Variants in PHACTR2 observed in about 807,000 individuals in gnomAD.
The protein encoded by PHACTR2 is phosphatase and actin regulator 2, also known as chromosome 6 open reading frame 56.
A neutral mutation model predicts 76.0 loss-of-function variants in PHACTR2; 30 were observed. The observed-to-expected ratio is 0.39, with a 90% CI of 0.30 to 0.54. The LOEUF is 0.54. Among genes scored for constraint, PHACTR2 ranks in the 20% least tolerant of loss-of-function variants. The probability of loss-of-function intolerance (pLI) is 0.61; values close to 1 mark genes in which losing one functional copy is unlikely to be tolerated. For synonymous variants in PHACTR2, 292 were observed against 292.5 expected, an observed-to-expected ratio of 1.00 and a Z score of 0.02; for missense variants, 696 against 781.1, an observed-to-expected ratio of 0.89 and a Z score of 1.30.
intron 9 of PHACTR2, among the ~76,000 whole-genome samples, chr6:143,778,994 C>G (rs1249866697): frequency 6.6e-6 from 1 of 152,144 alleles, no homozygotes; most frequent in Non-Finnish European, 1.5e-5. Context: ...AGATTTGACT[C>G]CAGCCCTTTT....
At chr6:143,569,424 C>T (rs1445925535) in intron 1 of PHACTR2, among the ~76,000 whole-genome samples, 1 of 152,148 alleles carries the variant, frequency 6.6e-6, no homozygotes, top group Non-Finnish European at 1.5e-5. Context: ...TTTGTGATGT[C>T]AAGCCAATGA....
At chr6:143,566,116 T>C (rs2128430762) in intron 1 of PHACTR2, among the ~76,000 whole-genome samples, 1 of 151,238 alleles carries the variant, frequency 6.6e-6, no homozygotes, top group African/African-American at 2.4e-5. Flanking sequence ...CTGGTGCACA[T>C]CATGCCCTGC....
At chr6:143,643,611 G>A (rs1776604649) in intron 1 of PHACTR2, among the ~76,000 whole-genome samples, 1 of 152,106 alleles carries the variant, frequency 6.6e-6, no homozygotes, top group Non-Finnish European at 1.5e-5. Flanking sequence ...CTCAAAGGAG[G>A]GCTATTACTA....
chr6:143,735,534 C>G (rs955995846), intron 2 of PHACTR2, among the ~76,000 whole-genome samples: 2 of 152,104 alleles, frequency 1.3e-5, no homozygotes, highest in Non-Finnish European at 2.9e-5. Context: ...CAACAGACCT[C>G]CCGAACTTTT....
chr6:143,565,255 A>T (rs35914889), intron 1 of PHACTR2, among the ~76,000 whole-genome samples: 104,521 of 151,866 alleles, frequency 0.69, 36,233 homozygotes, highest in Middle Eastern at 0.77. Context: ...ACATCATACA[A>T]AAATACATAA....
At chr6:143,544,698 A>G (rs931565171) in intron 1 of PHACTR2, among the ~76,000 whole-genome samples, 1 of 152,212 alleles carries the variant, frequency 6.6e-6, no homozygotes, top group African/African-American at 2.4e-5. Flanking sequence ...TGCACCATAA[A>G]ATCATTGAAG....
intron 2 of PHACTR2, among the ~76,000 whole-genome samples, chr6:143,712,970 T>C (rs1778215133): frequency 2.0e-5 from 3 of 152,236 alleles, no homozygotes; most frequent in Admixed American, 2.0e-4. Flanking sequence ...GTGAGTGTAT[T>C]GTGTCTAAGA....
intron 9 of PHACTR2, among the ~76,000 whole-genome samples, chr6:143,779,506 T>C (rs1469956932): frequency 6.6e-6 from 1 of 152,022 alleles, no homozygotes; most frequent in Non-Finnish European, 1.5e-5. Context: ...CGCATCACCA[T>C]GCCTGGCTAA....
In PHACTR2 at chr6:143,825,012, C is replaced by A. The variant is rs1776504803; in HGVS notation, c.*1323C>A. 1 of 152,616 alleles carries A rather than the reference C, an allele frequency of 6.6e-6. No homozygotes were observed. Among genetic ancestry groups the A allele is most frequent in the African/African-American group, 2.4e-5 (1 of 41,440 alleles). The allele number at this position is 152,616 out of a possible 1,614,324, so 9.5% of individuals were successfully genotyped here. On this transcript the variant is annotated 3_prime_UTR_variant, in exon 13 of 13. Coordinates refer to ENST00000440869, the MANE Select transcript of PHACTR2 (RefSeq NM_001100164.2). This position sits in a 1 kb window ranked among gnomAD's most constrained non-coding sequence, Gnocchi z 4.1. The stretch of plus-strand genomic sequence containing the variant: ...TGTATTGTTTACATTAAGAAACTCT[C>A]TATTATTGTGTTGCTATTTTCCATG...
rs1562323038 is a variant in PHACTR2, at chr6:143,827,500, TCTTC to T, written c.*3814_*3817del. The T allele has an allele frequency of 6.6e-6, 1 of 152,066 alleles. No homozygotes were observed. Among genetic ancestry groups the T allele is most frequent in the Non-Finnish European group, 1.5e-5 (1 of 67,994 alleles). The allele number at this position is 152,066 out of a possible 1,614,324, so 9.4% of individuals were successfully genotyped here. On this transcript the variant is annotated 3_prime_UTR_variant, in exon 13 of 13. Coordinates refer to ENST00000440869, the MANE Select transcript of PHACTR2 (RefSeq NM_001100164.2). ...TGCAAATTTCAAACAGAGCAAGAAA[TCTTC>T]CTCAGAGTAGGTGGTATGAAATTAA... is the stretch of plus-strand genomic sequence containing the variant.
chr6:143,682,106 G>A (rs1288176719), intron 1 of PHACTR2, among the ~76,000 whole-genome samples: 1 of 152,158 alleles, frequency 6.6e-6, no homozygotes, highest in Admixed American at 6.5e-5. Flanking sequence ...CTGCAAAAAA[G>A]CCAATTAGAG....
chr6:143,651,917 C>T (rs962296593), intron 1 of PHACTR2, among the ~76,000 whole-genome samples: 2 of 151,242 alleles, frequency 1.3e-5, no homozygotes, highest in African/African-American at 2.4e-5. Flanking sequence ...GACATAGGCA[C>T]TCACACAGAA....
At chr6:143,634,378 A>G (rs1195062854) in intron 1 of PHACTR2, among the ~76,000 whole-genome samples, 3 of 152,220 alleles carry the variant, frequency 2.0e-5, no homozygotes, top group Non-Finnish European at 2.9e-5. Context: ...TTTTCATTTA[A>G]TAAGAGAGCA....
At chr6:143,675,409 A>C (rs560459367), upstream of PHACTR2, among the ~76,000 whole-genome samples, 1 of 152,308 alleles carries the variant, frequency 6.6e-6, no homozygotes, top group South Asian at 2.1e-4. The surrounding 1 kb of genome is among the most constrained non-coding windows in gnomAD (Gnocchi z 4.9). Flanking sequence ...CTGGTGGGCC[A>C]AATTGTTACA....
chr6:143,638,108 T>A (rs1370319168), intron 1 of PHACTR2, among the ~76,000 whole-genome samples: 1 of 152,212 alleles, frequency 6.6e-6, no homozygotes, highest in East Asian at 1.9e-4. Context: ...TAGTGTGTAG[T>A]TGATGAATTA....
At chr6:143,555,083 G>A (rs1775153690) in intron 1 of PHACTR2, 1 of 152,124 alleles carries the variant, frequency 6.6e-6, no homozygotes, top group South Asian at 2.1e-4. Context: ...TTACAAATAT[G>A]CTGTAGATGT....
chr6:143,576,544 A>G lies in PHACTR2; in HGVS notation c.217+39337A>G, dbSNP rs150452933. The stretch of plus-strand genomic sequence containing the variant: ...TTTCAGTTTTAAAACAGAAGTTGAA[A>G]GAGGGAATATTTGTGGTTTTTAAAG... On this transcript the variant is annotated intron_variant, in intron 1 of 11. Transcript: ENST00000367584. Among the ~76,000 whole-genome samples the G allele has an allele frequency of 7.9e-5, 12 of 152,350 alleles. No individual in the cohort carries two copies. The East Asian group carries it at 2.3e-3, about 29-fold the overall frequency.
chr6:143,603,138 T>A (rs1375416475), intron 1 of PHACTR2, among the ~76,000 whole-genome samples: 2 of 123,334 alleles, frequency 1.6e-5, no homozygotes, highest in African/African-American at 6.4e-5. Flanking sequence ...AGAGCAAGAC[T>A]CTGTCTCAAA....
intron 2 of PHACTR2, among the ~76,000 whole-genome samples, chr6:143,713,517 C>A (rs1230834060): frequency 6.6e-6 from 1 of 152,108 alleles, no homozygotes; most frequent in Non-Finnish European, 1.5e-5. Flanking sequence ...GTTATTGGGT[C>A]CTCTTCAGCA....
Sources: allele counts gnomAD v4.1 joint callset (sites outside exome capture counted in the v4.1 genomes callset), GRCh38; gene constraint gnomAD v4.1.1; non-coding constraint Gnocchi (gnomAD v3.1); transcripts MANE v1.5; gene names NCBI Gene and HGNC (gene_info 2026-07-23, HGNC 2026-07-21).